The following SYT4 variants were observed in gnomAD, a reference collection of about 807,000 sequenced individuals.
SYT4 encodes synaptotagmin 4, also known as synaptotagmin-4.
SYT4 carries 7 observed loss-of-function variants against 32.9 expected under a neutral mutation model. The observed-to-expected ratio is 0.21, with a 90% CI of 0.12 to 0.40. The LOEUF (loss-of-function observed/expected upper bound fraction) is 0.40. SYT4 is among the 10% of genes least tolerant of loss of function. SYT4 has a pLI of 1.00. For synonymous variants in SYT4, 205 were observed against 186.2 expected (o/e 1.10, Z -0.82); for missense variants, 480 against 488.0 (o/e 0.98, Z 0.16).
Position 43,274,103 on chromosome 18 carries a change from T to C in SYT4, c.326A>G (p.Asn109Ser). The change falls in exon 2 of 4, where the codon AAC becomes AGC. Residue 109 changes from asparagine (N) to serine (S), a missense_variant. By Grantham distance (46) the Asn-to-Ser change is conservative. Transcript: ENST00000255224. Reference sequence around the variant, plus strand: ...ATCAGAAGGACTGCCAGGTTTGAGGTTGGTTTTGGGAAAATTGCCATTGAG... The same window carrying C: ...ATCAGAAGGACTGCCAGGTTTGAGGCTGGTTTTGGGAAAATTGCCATTGAG... Reference protein sequence around the residue: ...RDLNGNFPKTNLKPGSPSDLE... With the variant: ...RDLNGNFPKTSLKPGSPSDLE... 3 of 1,614,054 alleles carry C rather than the reference T, an allele frequency of 1.9e-6. No homozygotes were observed. The highest frequency in any genetic ancestry group is 1.7e-5 in the Admixed American group (1 of 60,008).
Position 43,269,189 on chromosome 18 carries a change from T to G in SYT4, c.*1152A>C, listed in dbSNP as rs1173298184. The G allele has an allele frequency of 6.6e-6, 1 of 152,198 alleles. No homozygotes were observed. Among genetic ancestry groups the G allele is most frequent in the Non-Finnish European group, 1.5e-5 (1 of 68,030 alleles). 9.4% of individuals were successfully genotyped at this position (152,198 alleles called of 1,614,324 possible). On this transcript the variant is annotated 3_prime_UTR_variant, in exon 4 of 4. Coordinates refer to ENST00000255224, the MANE Select transcript of SYT4 (RefSeq NM_020783.4). The stretch of plus-strand genomic sequence containing the variant: ...AGACAAATTAGCCTAGAAAAGATAG[T>G]GAAACACATTCTTTGTTGTGCTAAT...
At chr18:43,277,220 G>A (rs753592400) in intron 1 of SYT4, 28 bp downstream of exon 1, 2 of 1,613,614 alleles carry the variant, frequency 1.2e-6, no homozygotes, top group Non-Finnish European at 1.7e-6. Context: ...AGGAATAACC[G>A]CAGTCATAAG....
rs867915259 is a variant in SYT4 at position 43,274,333 on chromosome 18, G to A, written c.96C>T (p.Leu32=). ...TTCTCTGACAGCAGATCCATGCAAAGAGAGAGACTGTGAAGACCAGGCCAA... is the reference window on the plus strand; with the variant it reads ...TTCTCTGACAGCAGATCCATGCAAAAAGAGAGACTGTGAAGACCAGGCCAA... ...SAFGLVFTVS[L]FAWICCQRKS... Residue 32 remains leucine, a synonymous_variant, in exon 2 of 4, where the codon CTC becomes CTT. Coordinates refer to ENST00000255224, the MANE Select transcript of SYT4 (RefSeq NM_020783.4). 1 of 1,612,946 alleles carries A rather than the reference G, an allele frequency of 6.2e-7. No homozygotes were observed. The highest frequency in any genetic ancestry group is 1.1e-5 in the South Asian group (1 of 91,008).
At chr18:43,272,920 T>C (rs1908673942) in intron 2 of SYT4, among the ~76,000 whole-genome samples, 1 of 152,176 alleles carries the variant, frequency 6.6e-6, no homozygotes. Flanking sequence ...AGAGAGAAGT[T>C]ATTCTGATAT....
At chr18:43,274,527 T>G (rs1324125242) in intron 1 of SYT4, 133 bp from the exon 2 acceptor site, 5 of 652,592 alleles carry the variant, frequency 7.7e-6, no homozygotes, top group Non-Finnish European at 1.2e-5. Context: ...GTTCTGGGTA[T>G]GAGTTAAGTG....
At position 43,273,819 on chromosome 18, in the gene SYT4, G is replaced by A; in HGVS notation, c.610C>T (p.His204Tyr). ...IKMTILPEKK[H>Y]KVKTRVLRKT... ...CTCAGCACTCTAGTTTTCACTTTAT[G>A]CTTCTTCTCTGGGAGGATCGTCATT... Residue 204 changes from histidine to tyrosine, a missense_variant, in exon 2 of 4, where the codon CAT becomes TAT. Physicochemically the swap from His to Tyr is moderately conservative, Grantham distance 83. Coordinates refer to ENST00000255224, the MANE Select transcript of SYT4 (RefSeq NM_020783.4). 1 of 1,614,026 alleles carries A rather than the reference G, an allele frequency of 6.2e-7. No homozygotes were observed. Among genetic ancestry groups the A allele is most frequent in the Non-Finnish European group, 8.5e-7 (1 of 1,179,926 alleles).
At chr18:43,271,968 G>C in intron 2 of SYT4, 136 bp from the exon 3 acceptor site, 2 of 1,014,030 alleles carry the variant, frequency 2.0e-6, no homozygotes, top group Non-Finnish European at 2.7e-6. Context: ...AGGAATTGAA[G>C]AGTAACTAAA....
rs1015439670 is a variant in SYT4 at position 43,271,655 on chromosome 18, G to T, written c.970+57C>A. The T allele has an allele frequency of 2.0e-5, 32 of 1,600,336 alleles. 2 individuals carry two copies. In the Middle Eastern group the frequency reaches 2.7e-3, roughly 133 times the overall value. On this transcript the variant is annotated intron_variant, in intron 3 of 3. Transcript: ENST00000255224. Reference sequence around the variant, plus strand: ...AGAGTAAGAGTAGGTGGGCTCATTTGCAGTCAAATACATTCCAATCATACA... The same window carrying T: ...AGAGTAAGAGTAGGTGGGCTCATTTTCAGTCAAATACATTCCAATCATACA...
At chr18:43,273,066 C>T (rs1908679553) in intron 2 of SYT4, among the ~76,000 whole-genome samples, 1 of 151,878 alleles carries the variant, frequency 6.6e-6, no homozygotes, top group Non-Finnish European at 1.5e-5. Flanking sequence ...TCATTTCCTA[C>T]TATACAATTT....
chr18:43,268,807 C>A lies in SYT4; in HGVS notation c.*1534G>T, dbSNP rs1156359893. 7.9e-5 allele frequency: 12 copies of A among 152,556 alleles called. No individual in the cohort carries two copies. The highest frequency in any genetic ancestry group is 7.9e-4 in the Admixed American group (12 of 15,266). 9.5% of individuals were successfully genotyped at this position (152,556 alleles called of 1,614,324 possible). A position where few individuals can be genotyped will look rare whatever the true frequency, so the allele number is the denominator to read the frequency against. ...ACATTTTCTTTACATTAGGCATAGTCATAAAAAGCATGTATAAGTTGTTTG... is the reference window on the plus strand; with the variant it reads ...ACATTTTCTTTACATTAGGCATAGTAATAAAAAGCATGTATAAGTTGTTTG... On this transcript the variant is annotated 3_prime_UTR_variant, in exon 4 of 4. Coordinates refer to ENST00000255224, the MANE Select transcript of SYT4 (RefSeq NM_020783.4).
At chr18:43,271,651 A>T (rs1004014044) in intron 3 of SYT4, 61 bp downstream of exon 3, 12 of 1,602,144 alleles carry the variant, frequency 7.5e-6, no homozygotes, top group African/African-American at 2.7e-5. Context: ...AGGTGGGCTC[A>T]TTTGCAGTCA....
In SYT4 at chr18:43,270,319, GT is replaced by G. The variant is rs758938194; in HGVS notation, c.*21del. 93 of 1,604,496 alleles carry G rather than the reference GT, an allele frequency of 5.8e-5. No individual in the cohort carries two copies. Among genetic ancestry groups the G allele is most frequent in the Non-Finnish European group, 7.7e-5 (90 of 1,173,632 alleles). ...CTCCTTGCCTAGTAAAAACCTTTAA[GT>G]TCCAACTCACGGCTAGGATGCTAAC... On this transcript the variant is annotated 3_prime_UTR_variant, in exon 4 of 4. Transcript: ENST00000255224.
At chr18:43,276,670 A>C (rs1908803105) in intron 1 of SYT4, among the ~76,000 whole-genome samples, 1 of 152,204 alleles carries the variant, frequency 6.6e-6, no homozygotes, top group African/African-American at 2.4e-5. Flanking sequence ...GGGCTGAGCC[A>C]GTTCATTTTG....
At position 43,270,488 on chromosome 18, in the gene SYT4, C is replaced by T; in HGVS notation, c.1131G>A (p.Leu377=). 6.2e-7 allele frequency: 1 copy of T among 1,614,008 alleles called. No homozygotes were observed. Among genetic ancestry groups the T allele is most frequent in the East Asian group, 2.2e-5 (1 of 44,856 alleles). The change falls in exon 4 of 4, where the codon TTG becomes TTA. Residue 377 remains leucine (L), a synonymous_variant. Transcript: ENST00000255224. The part of the protein sequence containing the change: ...LEDISVEFLV[L]DSERGSRNEV... ...CATTTCGGGACCCCCTTTCAGAATCCAAAACCAAAAATTCAACACTTATAT... is the reference window on the plus strand; with the variant it reads ...CATTTCGGGACCCCCTTTCAGAATCTAAAACCAAAAATTCAACACTTATAT...
chr18:43,269,449 C>T lies in SYT4; in HGVS notation c.*892G>A, dbSNP rs1908557462. Reference sequence around the variant, plus strand: ...GGTACAAACGATGGCCTTAAAAGTACACTTGCACACTATACCTATTTCCTA... The same window carrying T: ...GGTACAAACGATGGCCTTAAAAGTATACTTGCACACTATACCTATTTCCTA... On this transcript the variant is annotated 3_prime_UTR_variant, in exon 4 of 4. Coordinates refer to ENST00000255224, the MANE Select transcript of SYT4 (RefSeq NM_020783.4). 1 of 152,330 alleles carries T rather than the reference C, an allele frequency of 6.6e-6. No homozygotes were observed. Among genetic ancestry groups the T allele is most frequent in the Non-Finnish European group, 1.5e-5 (1 of 68,036 alleles). 9.4% of individuals were successfully genotyped at this position (152,330 alleles called of 1,614,324 possible). A position where few individuals can be genotyped will look rare whatever the true frequency, so the allele number is the denominator to read the frequency against.
intron 2 of SYT4, among the ~76,000 whole-genome samples, chr18:43,272,537 A>C (rs16977446): frequency 0.14 from 21,289 of 152,180 alleles, 1,909 homozygotes; most frequent in East Asian, 0.4. Context: ...GATAAGATAT[A>C]CAATAATTCA....
intron 3 of SYT4, among the ~76,000 whole-genome samples, chr18:43,271,373 T>C (rs1004084347): frequency 2.0e-5 from 3 of 152,170 alleles, no homozygotes; most frequent in East Asian, 3.8e-4. Context: ...TATGTATTTC[T>C]AGTTCTCACA....
rs1255138896 is a variant in SYT4 at position 43,274,327 on chromosome 18, T to C, written c.102A>G (p.Ala34=). 3.1e-6 allele frequency: 5 copies of C among 1,613,400 alleles called. No individual in the cohort carries two copies. Among genetic ancestry groups the C allele is most frequent in the Non-Finnish European group, 3.4e-6 (4 of 1,179,878 alleles). Residue 34 remains alanine, a synonymous_variant, in exon 2 of 4, where the codon GCA becomes GCG. Coordinates refer to ENST00000255224, the MANE Select transcript of SYT4 (RefSeq NM_020783.4). ...FGLVFTVSLF[A]WICCQRKSSK... ...ATGATTTTCTCTGACAGCAGATCCA[T>C]GCAAAGAGAGAGACTGTGAAGACCA...
chr18:43,275,657 G>A (rs1241646672), intron 1 of SYT4, among the ~76,000 whole-genome samples: 1 of 151,938 alleles, frequency 6.6e-6, no homozygotes, highest in East Asian at 1.9e-4. Context: ...TGAACTCAGA[G>A]AATGTAAGGT....
Sources: gnomAD v4.1 joint callset for allele counts (sites outside exome capture counted in the v4.1 genomes callset) on GRCh38, gnomAD v4.1.1 for gene constraint, MANE v1.5 for transcripts, NCBI Gene and HGNC (gene_info 2026-07-23, HGNC 2026-07-21) for gene names.